OVCH1: variants seen among roughly 807,000 people sequenced by gnomAD.
OVCH1 encodes the protein ovochymase-1.
A neutral mutation model predicts 138.4 loss-of-function variants in OVCH1; 139 were observed. The ratio of observed to expected loss-of-function variants is 1.00; its 90% CI spans 0.87 to 1.16. The LOEUF (loss-of-function observed/expected upper bound fraction) is 1.16. OVCH1 is among the 50% of genes most tolerant of loss of function. The probability of loss-of-function intolerance (pLI) is 0.00; values close to 1 mark genes in which losing one functional copy is unlikely to be tolerated. For missense variants in OVCH1, 1,367 were observed against 1,357.9 expected (o/e 1.01, Z -0.11); for synonymous variants, 453 against 467.8 (o/e 0.97, Z 0.41).
rs746469015 is a variant in OVCH1 at position 29,496,637 on chromosome 12, A to G, written c.102T>C (p.Ser34=). Residue 34 remains serine, a synonymous_variant, in exon 2 of 28, where the codon AGT becomes AGC. Transcript: ENST00000318184. Reference sequence around the variant, plus strand: ...ATCTAGATCCCACGGCAGGTTCCTTACTTTTCATGTTGACCATGCGAATTC... The same window carrying G: ...ATCTAGATCCCACGGCAGGTTCCTTGCTTTTCATGTTGACCATGCGAATTC... 3 of 1,613,728 alleles carry G rather than the reference A, an allele frequency of 1.9e-6. No homozygotes were observed. In the South Asian group the frequency reaches 3.3e-5, roughly 18 times the overall value.
intron 16 of OVCH1, among the ~76,000 whole-genome samples, chr12:29,470,507 T>G (rs978767640): frequency 5.3e-5 from 8 of 152,236 alleles, no homozygotes; most frequent in Non-Finnish European, 1.2e-4. Flanking sequence ...CTGAGAATGA[T>G]GGCTTCCAGC....
At chr12:29,411,990 C>T (rs933245537), downstream of OVCH1, among the ~76,000 whole-genome samples, 3 of 140,836 alleles carry the variant, frequency 2.1e-5, no homozygotes, top group African/African-American at 7.5e-5. Context: ...CTTTATTTAC[C>T]TAAGCAAGCC....
At chr12:29,482,189 T>G (rs1253331525) in intron 8 of OVCH1, among the ~76,000 whole-genome samples, 1 of 152,184 alleles carries the variant, frequency 6.6e-6, no homozygotes, top group African/African-American at 2.4e-5. Flanking sequence ...TTTGGCCACA[T>G]TGCCCCTCTC....
At chr12:29,464,882 C>A in intron 17 of OVCH1, 180 bp from the exon 18 acceptor site, 1 of 675,108 alleles carries the variant, frequency 1.5e-6, no homozygotes, top group South Asian at 2.1e-5. Flanking sequence ...GGCTATGAAC[C>A]ACCTTCTGGA....
At chr12:29,421,184 C>T (rs1167341060) in intron 3 of OVCH1, among the ~76,000 whole-genome samples, 2 of 152,212 alleles carry the variant, frequency 1.3e-5, no homozygotes, top group East Asian at 3.8e-4. Flanking sequence ...CCTAGGCTCT[C>T]CAAGCATGGC....
chr12:29,489,830 G>T, intron 5 of OVCH1, 59 bp from the exon 6 acceptor site: 1 of 1,526,200 alleles, frequency 6.6e-7, no homozygotes. Flanking sequence ...AAATTAATGG[G>T]AAGTCTACAA....
At chr12:29,486,123 C>G in intron 8 of OVCH1, 127 bp downstream of exon 8, 1 of 908,244 alleles carries the variant, frequency 1.1e-6, no homozygotes. Context: ...ATGAGCAGGG[C>G]TTTTAAAGTT....
chr12:29,494,050 A>C (rs1943345838), intron 4 of OVCH1, among the ~76,000 whole-genome samples: 1 of 152,184 alleles, frequency 6.6e-6, no homozygotes, highest in African/African-American at 2.4e-5. Context: ...ATCAAACCTG[A>C]GTGAGGCCTG....
At chr12:29,451,504 C>T in exon 22 of OVCH1, 3 of 1,613,268 alleles carry the variant, frequency 1.9e-6, no homozygotes, top group Non-Finnish European at 1.7e-6. Flanking sequence ...CCTCTATAAT[C>T]CAGTAGATAC....
downstream of OVCH1, chr12:29,427,530 C>A (rs1456119471): frequency 6.5e-7 from 1 of 1,548,976 alleles, no homozygotes; most frequent in Non-Finnish European, 8.7e-7. Flanking sequence ...TGGTTAGAGG[C>A]CTCTTCCTCC....
intron 7 of OVCH1, 85 bp from the exon 8 acceptor site, chr12:29,486,433 A>G (rs1943109451): frequency 9.3e-7 from 1 of 1,074,904 alleles, no homozygotes; most frequent in Admixed American, 2.5e-5. Context: ...TTAAAAGAAT[A>G]TGAAGAATTA....
the OVCH1 span, among the ~76,000 whole-genome samples, chr12:29,404,075 A>AC: frequency 1.0e-3 from 154 of 152,320 alleles, 2 homozygotes; most frequent in South Asian, 0.012. Context: ...GTGACACTGA[A>AC]TATTTCAGCA....
At chr12:29,448,640 TGGA>T (rs1222500816) in intron 22 of OVCH1, among the ~76,000 whole-genome samples, 2 of 152,040 alleles carry the variant, frequency 1.3e-5, no homozygotes, top group African/African-American at 4.8e-5. Flanking sequence ...TCAAAGGGGA[TGGA>T]GGAGGTGATC....
chr12:29,476,065 A>G (rs944097822), intron 13 of OVCH1, 141 bp downstream of exon 13: 1 of 695,346 alleles, frequency 1.4e-6, no homozygotes, highest in Non-Finnish European at 2.5e-6. Context: ...TTTTAAAGCT[A>G]AAGTTGTATG....
At chr12:29,408,759 C>T (rs1175296401), downstream of OVCH1, among the ~76,000 whole-genome samples, 20 of 148,950 alleles carry the variant, frequency 1.3e-4, no homozygotes, top group East Asian at 3.9e-3. Context: ...GGATATTGGT[C>T]TAAAATTCTC....
At chr12:29,409,582 G>C (rs1940926474), downstream of OVCH1, among the ~76,000 whole-genome samples, 1 of 152,080 alleles carries the variant, frequency 6.6e-6, no homozygotes, top group Admixed American at 6.5e-5. Flanking sequence ...AGTCATTCAG[G>C]AGCAGGTTGT....
intron 3 of OVCH1, among the ~76,000 whole-genome samples, chr12:29,413,645 A>C (rs927117256): frequency 6.9e-6 from 1 of 144,976 alleles, no homozygotes; most frequent in African/African-American, 2.5e-5. Flanking sequence ...GCATTTATGT[A>C]TGTGTCTGTG....
intron 3 of OVCH1, among the ~76,000 whole-genome samples, chr12:29,421,503 C>T (rs1941104035): frequency 6.6e-6 from 1 of 151,980 alleles, no homozygotes; most frequent in Non-Finnish European, 1.5e-5. Context: ...TTAGGATACT[C>T]AAAACATAAA....
intron 12 of OVCH1, among the ~76,000 whole-genome samples, chr12:29,476,618 C>T (rs998091423): frequency 7.2e-5 from 11 of 152,150 alleles, no homozygotes; most frequent in Non-Finnish European, 1.6e-4. Flanking sequence ...TAATAGGGAA[C>T]TGGTTTAATG....
Sources: allele counts gnomAD v4.1 joint callset (sites outside exome capture counted in the v4.1 genomes callset), GRCh38; gene constraint gnomAD v4.1.1; transcripts MANE v1.5; gene names NCBI Gene and HGNC (gene_info 2026-07-23, HGNC 2026-07-21).